Variants in BANP observed in about 807,000 individuals in gnomAD.
The protein encoded by BANP is protein BANP.
BANP carries 11 observed loss-of-function variants against 68.1 expected under a neutral mutation model. The observed-to-expected ratio is 0.16, with a 90% CI of 0.10 to 0.27. BANP has a LOEUF of 0.27. Ranked by LOEUF, BANP falls within the 10% of genes least tolerant of loss-of-function variation. The pLI is 1.00. For synonymous variants in BANP, 329 were observed against 303.2 expected, an observed-to-expected ratio of 1.09 and a Z score of -0.88; for missense variants, 504 against 722.7, an observed-to-expected ratio of 0.70 and a Z score of 3.47.
rs58334556 is a variant in BANP at position 87,973,753 on chromosome 16, C to CAA, written c.-68-1275_-68-1274dup. ...GGGCAACAGGAGCAAAACTCCATCA[C>CAA]AAAAAAAAAAAAAAAAAAAAAGAAA... On this transcript the variant is annotated intron_variant, in intron 1 of 13. Coordinates refer to ENST00000682872, the MANE Select transcript of BANP (RefSeq NM_001386991.1). Among the ~76,000 whole-genome samples, 189 of 99,362 alleles carry CAA rather than the reference C, an allele frequency of 1.9e-3. 1 individual carries two copies. Among genetic ancestry groups the CAA allele is most frequent in the South Asian group, 0.012 (26 of 2,246 alleles). The allele number at this position is 99,362 out of a possible 152,430, so 65.2% of individuals were successfully genotyped here. A position where few individuals can be genotyped will look rare whatever the true frequency, so the allele number is the denominator to read the frequency against.
At chr16:88,053,345 A>C (rs1221642428) in intron 11 of BANP, among the ~76,000 whole-genome samples, 3 of 145,318 alleles carry the variant, frequency 2.1e-5, no homozygotes, top group Admixed American at 6.8e-5. Context: ...ATCATCACCA[A>C]CACAACCACC....
At chr16:87,970,597 T>G (rs8057774) in intron 1 of BANP, among the ~76,000 whole-genome samples, 116,850 of 152,094 alleles carry the variant, frequency 0.77, 45,448 homozygotes, top group African/African-American at 0.83. Context: ...ATAATATTAT[T>G]AACTCATGAA....
intron 11 of BANP, among the ~76,000 whole-genome samples, chr16:88,040,095 G>T (rs1419228299): frequency 2.0e-5 from 3 of 152,280 alleles, no homozygotes; most frequent in Non-Finnish European, 4.4e-5. Flanking sequence ...AGAGGCCGGT[G>T]CTGCCACTCA....
chr16:88,013,929 G>T (rs2073863898), intron 6 of BANP, among the ~76,000 whole-genome samples: 1 of 152,204 alleles, frequency 6.6e-6, no homozygotes, highest in Non-Finnish European at 1.5e-5. Context: ...CCGGTAGACT[G>T]GGGTGGGTCA....
chr16:88,035,905 C>T (rs1055604058), intron 10 of BANP, among the ~76,000 whole-genome samples: 2 of 152,240 alleles, frequency 1.3e-5, no homozygotes, highest in African/African-American at 4.8e-5. Context: ...GACGCACCTG[C>T]TGGGTCTGTG....
chr16:87,988,526 A>G (rs2065047383), intron 4 of BANP, among the ~76,000 whole-genome samples: 1 of 152,020 alleles, frequency 6.6e-6, no homozygotes, highest in Admixed American at 6.6e-5. Context: ...CGGCCTCCCA[A>G]AGTGCTGGGA....
At chr16:88,033,951 C>T (rs2078750767) in intron 9 of BANP, among the ~76,000 whole-genome samples, 1 of 152,178 alleles carries the variant, frequency 6.6e-6, no homozygotes, top group Non-Finnish European at 1.5e-5. Flanking sequence ...AGAAATTTTA[C>T]ATGCACCACT....
rs982876655 is a variant in BANP, at chr16:88,002,389, C to T, written c.363-1906C>T. 7.2e-5 allele frequency among the ~76,000 whole-genome samples: 11 copies of T among 152,082 alleles called. No individual in the cohort carries two copies. The highest frequency in any genetic ancestry group is 1.9e-4 in the East Asian group (1 of 5,190). On this transcript the variant is annotated intron_variant, in intron 4 of 13. Coordinates refer to ENST00000682872, the MANE Select transcript of BANP (RefSeq NM_001386991.1). The surrounding 1 kb of genome is among the most constrained non-coding windows in gnomAD (Gnocchi z 4.6). Reference sequence around the variant, plus strand: ...GGTGAGGTGCTGGTTTTGTCACGCCCGTGCTGGTGTTCAGGTGGCCCTGCG... The same window carrying T: ...GGTGAGGTGCTGGTTTTGTCACGCCTGTGCTGGTGTTCAGGTGGCCCTGCG...
rs1179261817 is a variant in BANP, at chr16:88,004,281, C to G, written c.363-14C>G. 1 of 1,454,928 alleles carries G rather than the reference C, an allele frequency of 6.9e-7. No individual in the cohort carries two copies. The highest frequency in any genetic ancestry group is 1.4e-5 in the African/African-American group (1 of 70,832). The allele number at this position is 1,454,928 out of a possible 1,614,324, so 90.1% of individuals were successfully genotyped here. Reference sequence around the variant, plus strand: ...TAAGGCCTTCTTTTTCTTTGTGATTCTTTTGTTCCCTAGCGTCGTCCCCCA... The same window carrying G: ...TAAGGCCTTCTTTTTCTTTGTGATTGTTTTGTTCCCTAGCGTCGTCCCCCA... On this transcript the variant is annotated splice_polypyrimidine_tract_variant and intron_variant, in intron 4 of 13. Coordinates refer to ENST00000682872, the MANE Select transcript of BANP (RefSeq NM_001386991.1). The surrounding 1 kb of genome is among the most constrained non-coding windows in gnomAD (Gnocchi z 7.0).
chr16:87,993,450 A>T (rs2066394438), intron 4 of BANP, among the ~76,000 whole-genome samples: 1 of 151,634 alleles, frequency 6.6e-6, no homozygotes, highest in Non-Finnish European at 1.5e-5. Context: ...TGTATTTTAC[A>T]CTCTGGGTTA....
At chr16:88,043,628 A>G (rs1352498921) in intron 11 of BANP, among the ~76,000 whole-genome samples, 1 of 152,186 alleles carries the variant, frequency 6.6e-6, no homozygotes, top group Non-Finnish European at 1.5e-5. Flanking sequence ...GGATTGCAGA[A>G]TTGGTTTGAG....
intron 11 of BANP, among the ~76,000 whole-genome samples, chr16:88,062,731 T>C (rs763432492): frequency 2.6e-5 from 4 of 152,194 alleles, no homozygotes; most frequent in African/African-American, 9.7e-5. Context: ...TGCCTCAGAC[T>C]GGGGCCCTGC....
chr16:88,070,165 C>T (rs1244279447), intron 12 of BANP, among the ~76,000 whole-genome samples: 1 of 152,200 alleles, frequency 6.6e-6, no homozygotes, highest in South Asian at 2.1e-4. Context: ...AATACCTGCT[C>T]ATTGACCACT....
chr16:88,006,437 G>C (rs372061782), intron 6 of BANP, among the ~76,000 whole-genome samples, 172 bp downstream of exon 6: 1 of 151,184 alleles, frequency 6.6e-6, no homozygotes. Context: ...ACCTGAAGTC[G>C]GGAGTTCGAG....
chr16:87,979,001 A>G (rs11865014), intron 2 of BANP, among the ~76,000 whole-genome samples: 11,109 of 152,258 alleles, frequency 0.073, 1,307 homozygotes, highest in African/African-American at 0.25. Flanking sequence ...AAATCGGTCG[A>G]CAGTGGTCCT....
chr16:88,021,842 C>T (rs1021163637), intron 7 of BANP, among the ~76,000 whole-genome samples: 8 of 152,164 alleles, frequency 5.3e-5, no homozygotes, highest in Non-Finnish European at 7.3e-5. Flanking sequence ...AGGCAGCTCA[C>T]GAGGGAGAAG....
chr16:88,059,141 C>T lies in BANP; in HGVS notation c.1312-6126C>T, dbSNP rs536150378. ...CGTGCTCCTGCTGGTGTGCTGAGGT[C>T]CGTGCTCCTGCTGGTGTGCTGTGGT... is the stretch of plus-strand genomic sequence containing the variant. On this transcript the variant is annotated intron_variant, in intron 11 of 13. Coordinates refer to ENST00000682872, the MANE Select transcript of BANP (RefSeq NM_001386991.1). 6.7e-5 allele frequency among the ~76,000 whole-genome samples: 10 copies of T among 149,616 alleles called. No homozygotes were observed. In the South Asian group the frequency reaches 1.3e-3, roughly 19 times the overall value.
rs59552155 is a variant in BANP, at chr16:88,044,468, T to C, written c.1311+6457T>C. 1.6e-3 allele frequency among the ~76,000 whole-genome samples: 246 copies of C among 152,392 alleles called. 1 individual carries two copies. The highest frequency in any genetic ancestry group is 5.7e-3 in the African/African-American group (236 of 41,592). Reference sequence around the variant, plus strand: ...TGCTGATTGCACTAATATTTTTTATTGTTTTCTGTTCTGCTTTTCTGTTTC... The same window carrying C: ...TGCTGATTGCACTAATATTTTTTATCGTTTTCTGTTCTGCTTTTCTGTTTC... On this transcript the variant is annotated intron_variant, in intron 11 of 13. Coordinates refer to ENST00000682872, the MANE Select transcript of BANP (RefSeq NM_001386991.1).
Position 87,957,271 on chromosome 16 carries a change from T to C in BANP, c.-69+5756T>C, listed in dbSNP as rs902316868. On this transcript the variant is annotated intron_variant, in intron 1 of 13. Coordinates refer to ENST00000682872, the MANE Select transcript of BANP (RefSeq NM_001386991.1). This position sits in a 1 kb window ranked among gnomAD's most constrained non-coding sequence, Gnocchi z 4.3. ...ACCCACAGGTCGCCAGCTTACAGCG[T>C]GGGAGCTGTGGAAGGACACATGGAG... is the stretch of plus-strand genomic sequence containing the variant. Among the ~76,000 whole-genome samples, 2 of 152,118 alleles carry C rather than the reference T, an allele frequency of 1.3e-5. No homozygotes were observed. The highest frequency in any genetic ancestry group is 2.9e-5 in the Non-Finnish European group (2 of 68,016).
Sources: gnomAD v4.1 joint callset for allele counts (sites outside exome capture counted in the v4.1 genomes callset) on GRCh38, gnomAD v4.1.1 for gene constraint, Gnocchi (gnomAD v3.1) non-coding constraint, MANE v1.5 for transcripts, NCBI Gene and HGNC (gene_info 2026-07-23, HGNC 2026-07-21) for gene names.